KLF12: variants seen among roughly 807,000 people sequenced by gnomAD.
KLF12 encodes the protein KLF transcription factor 12, also known as Krueppel-like factor 12.
In KLF12, 9 loss-of-function variants were observed where a neutral mutation model predicts 37.8. The observed-to-expected ratio is 0.24, with a 90% CI of 0.14 to 0.42. The LOEUF (loss-of-function observed/expected upper bound fraction) is 0.42. Ranked by LOEUF, KLF12 falls within the 10% of genes least tolerant of loss-of-function variation. The pLI is 1.00. For missense variants in KLF12, 411 were observed against 516.0 expected, an observed-to-expected ratio of 0.80 and a Z score of 1.97; for synonymous variants, 208 against 202.1, an observed-to-expected ratio of 1.03 and a Z score of -0.25.
the KLF12 span, among the ~76,000 whole-genome samples, chr13:74,285,232 G>A: frequency 2.0e-5 from 3 of 151,300 alleles, no homozygotes; most frequent in African/African-American, 4.9e-5. Context: ...AATTGCATCT[G>A]CAGTCTCAAA....
chr13:74,238,859 C>G, the KLF12 span, among the ~76,000 whole-genome samples: 1 of 152,090 alleles, frequency 6.6e-6, no homozygotes, highest in South Asian at 2.1e-4. Flanking sequence ...TGCTAGCGGT[C>G]TGTCAATTTT....
At chr13:74,044,141 T>G (rs1893479045) in intron 1 of KLF12, among the ~76,000 whole-genome samples, 1 of 152,156 alleles carries the variant, frequency 6.6e-6, no homozygotes, top group Non-Finnish European at 1.5e-5. Flanking sequence ...AGAAAAACTC[T>G]GCACACTGAA....
chr13:74,105,288 T>C (rs1002310761), intron 1 of KLF12, among the ~76,000 whole-genome samples: 1 of 152,204 alleles, frequency 6.6e-6, no homozygotes, highest in African/African-American at 2.4e-5. Context: ...AATACAAATA[T>C]ATGAGTTTTA....
chr13:74,270,840 G>C, the KLF12 span, among the ~76,000 whole-genome samples: 1 of 152,286 alleles, frequency 6.6e-6, no homozygotes, highest in Admixed American at 6.5e-5. Context: ...ACTCTGGGTA[G>C]TTAGGGTTAG....
At chr13:73,806,199 C>T (rs995870117) in intron 5 of KLF12, among the ~76,000 whole-genome samples, 7 of 151,704 alleles carry the variant, frequency 4.6e-5, no homozygotes, top group South Asian at 2.1e-4. Context: ...CTCCGCCTCC[C>T]GGGTCCAAGC....
intron 2 of KLF12, among the ~76,000 whole-genome samples, chr13:73,961,125 T>A (rs962055862): frequency 6.6e-6 from 1 of 152,128 alleles, no homozygotes; most frequent in Non-Finnish European, 1.5e-5. Flanking sequence ...AACAATTAGA[T>A]TCTGCCCTCC....
the KLF12 span, among the ~76,000 whole-genome samples, chr13:74,230,730 G>A: frequency 6.6e-6 from 1 of 152,100 alleles, no homozygotes; most frequent in Non-Finnish European, 1.5e-5. Context: ...TTCTGTGCAT[G>A]CACGACTATC....
intron 1 of KLF12, among the ~76,000 whole-genome samples, chr13:74,044,131 A>T (rs755162372): frequency 4.6e-5 from 7 of 152,210 alleles, no homozygotes; most frequent in Non-Finnish European, 8.8e-5. Flanking sequence ...TCAGTGAGAG[A>T]GAAAAACTCT....
At chr13:74,064,981 A>G (rs1873821015) in intron 1 of KLF12, among the ~76,000 whole-genome samples, 1 of 152,184 alleles carries the variant, frequency 6.6e-6, no homozygotes, top group Non-Finnish European at 1.5e-5. Flanking sequence ...ACACAAATAT[A>G]CATGTACACA....
chr13:73,836,911 C>T (rs573637781), intron 4 of KLF12, among the ~76,000 whole-genome samples: 28 of 152,158 alleles, frequency 1.8e-4, no homozygotes, highest in Middle Eastern at 3.4e-3. Flanking sequence ...ATAGGAGAAA[C>T]TTGACCTAAT....
chr13:74,041,124 C>T (rs948829484), intron 1 of KLF12, among the ~76,000 whole-genome samples: 33 of 152,314 alleles, frequency 2.2e-4, no homozygotes, highest in African/African-American at 6.3e-4. Flanking sequence ...TTATACACAC[C>T]TTTCCTCCTT....
chr13:73,743,867 G>A (rs930304305), intron 6 of KLF12, among the ~76,000 whole-genome samples: 4 of 152,126 alleles, frequency 2.6e-5, no homozygotes, highest in African/African-American at 9.7e-5. Context: ...AAAATAAAAT[G>A]ACTAAGAAGT....
intron 3 of KLF12, among the ~76,000 whole-genome samples, chr13:73,891,697 T>C (rs887142427): frequency 1.3e-5 from 2 of 152,112 alleles, no homozygotes; most frequent in Non-Finnish European, 1.5e-5. Flanking sequence ...ATACTGTTTA[T>C]ATACCTCAAT....
At chr13:73,907,451 C>T (rs1256120186) in intron 3 of KLF12, among the ~76,000 whole-genome samples, 1 of 152,146 alleles carries the variant, frequency 6.6e-6, no homozygotes, top group Non-Finnish European at 1.5e-5. Flanking sequence ...CAGCTCAGAC[C>T]CACTTTCCTT....
chr13:74,096,501 G>A (rs887401538), intron 1 of KLF12, among the ~76,000 whole-genome samples: 1 of 152,174 alleles, frequency 6.6e-6, no homozygotes, highest in African/African-American at 2.4e-5. Flanking sequence ...TAAATAAAAT[G>A]TGGTCGAGAT....
intron 3 of KLF12, among the ~76,000 whole-genome samples, chr13:73,868,709 T>C (rs60669656): frequency 0.062 from 9,472 of 152,204 alleles, 349 homozygotes; most frequent in South Asian, 0.13. Context: ...ATAAGATTGT[T>C]ATAAAAAGGT....
chr13:73,883,272 GTGAT>G (rs1887067469), intron 3 of KLF12, among the ~76,000 whole-genome samples: 1 of 152,150 alleles, frequency 6.6e-6, no homozygotes, highest in Non-Finnish European at 1.5e-5. Context: ...AAAAAAATGA[GTGAT>G]TGAATCAGCC....
chr13:74,245,165 T>C, the KLF12 span, among the ~76,000 whole-genome samples: 2,542 of 152,308 alleles, frequency 0.017, 83 homozygotes, highest in African/African-American at 0.058. Context: ...TTATTATTTA[T>C]TGAGACAGAT....
intron 7 of KLF12, among the ~76,000 whole-genome samples, chr13:73,704,254 G>A (rs1288584381): frequency 2.6e-5 from 4 of 152,096 alleles, no homozygotes; most frequent in East Asian, 1.9e-4. Context: ...TCTCCTAAGC[G>A]CCAGAGAGGG....
Sources: gnomAD v4.1 joint callset for allele counts (sites outside exome capture counted in the v4.1 genomes callset) on GRCh38, gnomAD v4.1.1 for gene constraint, MANE v1.5 for transcripts, NCBI Gene and HGNC (gene_info 2026-07-23, HGNC 2026-07-21) for gene names.